The following NLRC4 variants were observed in gnomAD, a reference collection of about 807,000 sequenced individuals.
The protein encoded by NLRC4 is NLR family CARD domain containing 4, also known as NLR family CARD domain-containing protein 4.
A neutral mutation model predicts 79.9 loss-of-function variants in NLRC4; 63 were observed. The observed-to-expected ratio is 0.79, with a 90% CI of 0.64 to 0.97. The LOEUF (loss-of-function observed/expected upper bound fraction) is 0.97. NLRC4 is among the 50% of genes least tolerant of loss of function. NLRC4 has a pLI of 0.00. For synonymous variants in NLRC4, 461 were observed against 456.5 expected, an observed-to-expected ratio of 1.01 and a Z score of -0.12; for missense variants, 1,074 against 1,215.2, an observed-to-expected ratio of 0.88 and a Z score of 1.73.
intron 8 of NLRC4, among the ~76,000 whole-genome samples, chr2:32,233,345 A>AT (rs1241686037): frequency 7.4e-4 from 47 of 63,746 alleles, no homozygotes; most frequent in Non-Finnish European, 1.0e-3. Flanking sequence ...ATATATATAT[A>AT]TATATTTTTT....
At chr2:32,225,738 TCTTA>T (rs1686373645) in intron 8 of NLRC4, among the ~76,000 whole-genome samples, 1 of 152,166 alleles carries the variant, frequency 6.6e-6, no homozygotes, top group South Asian at 2.1e-4. Flanking sequence ...ACATGGGAAC[TCTTA>T]CTTACATGTT....
intron 2 of NLRC4, among the ~76,000 whole-genome samples, chr2:32,256,392 A>G (rs1283340933): frequency 1.3e-5 from 2 of 152,104 alleles, no homozygotes; most frequent in Non-Finnish European, 2.9e-5. Context: ...TACTATTAAT[A>G]TACTAGATAG....
chr2:32,226,608 C>T (rs528781933), intron 8 of NLRC4, among the ~76,000 whole-genome samples: 15 of 152,248 alleles, frequency 9.9e-5, no homozygotes, highest in African/African-American at 3.1e-4. Context: ...AGGCCGGGTG[C>T]GGTGGCTCAT....
intron 2 of NLRC4, among the ~76,000 whole-genome samples, chr2:32,254,563 C>T (rs1042378057): frequency 1.3e-5 from 2 of 150,792 alleles, no homozygotes; most frequent in African/African-American, 2.4e-5. Flanking sequence ...TGGTTTTTAA[C>T]TCTCAGACAC....
chr2:32,239,467 C>G lies in NLRC4; in HGVS notation c.2351-1165G>C, dbSNP rs555997583. On this transcript the variant is annotated intron_variant, in intron 5 of 8. Coordinates refer to ENST00000402280, the MANE Select transcript of NLRC4 (RefSeq NM_001199138.2). ...ACCGGTTAAAGGTTGTGAGCATGAG[C>G]TTTGCAGTCAGTTCCTGGATCCCCT... Among the ~76,000 whole-genome samples the G allele has an allele frequency of 3.9e-5, 6 of 152,232 alleles. No individual in the cohort carries two copies. The East Asian group carries it at 7.7e-4, about 20-fold the overall frequency.
chr2:32,252,754 C>A lies in NLRC4; in HGVS notation c.2-75G>T, dbSNP rs1687110298. On this transcript the variant is annotated intron_variant, in intron 2 of 8. Transcript: ENST00000402280. ...GCATATCCGGCTGGGCACGGTGGCT[C>A]ACGCCTGTAATCCCAGCACTTTGGG... The A allele has an allele frequency of 3.7e-6, 5 of 1,334,928 alleles. No individual in the cohort carries two copies. The South Asian group carries it at 5.3e-5, about 14-fold the overall frequency. The allele number at this position is 1,334,928 out of a possible 1,614,324, so 82.7% of individuals were successfully genotyped here.
intron 1 of NLRC4, among the ~76,000 whole-genome samples, chr2:32,259,793 G>A (rs1475592515): frequency 1.3e-5 from 2 of 152,094 alleles, no homozygotes; most frequent in Non-Finnish European, 2.9e-5. Flanking sequence ...GCCTGTTGAA[G>A]AACTTCACAT....
At chr2:32,236,817 A>G (rs1341844911) in intron 6 of NLRC4, among the ~76,000 whole-genome samples, 1 of 152,100 alleles carries the variant, frequency 6.6e-6, no homozygotes, top group African/African-American at 2.4e-5. Flanking sequence ...TTTTATTGAC[A>G]TAATAGTTGA....
rs199998217 is a variant in NLRC4 at position 32,224,810 on chromosome 2, T to TA, written c.2783-46dup. 2.0e-4 allele frequency: 195 copies of TA among 981,298 alleles called. 1 individual carries two copies. The highest frequency in any genetic ancestry group is 5.5e-4 in the South Asian group (28 of 51,048). 60.8% of individuals were successfully genotyped at this position (981,298 alleles called of 1,614,324 possible). On this transcript the variant is annotated intron_variant, in intron 8 of 8. Coordinates refer to ENST00000402280, the MANE Select transcript of NLRC4 (RefSeq NM_001199138.2). ...TATTAGTTGGAAGAAAAATTTTTTT[T>TA]AAAAAAAAAGAGAAATAGGTTCTAC...
rs201385643 is a variant in NLRC4, at chr2:32,226,353, GC to G, written c.2783-1589del. ...TAGAGTGTGTCCTTAGTCAATGTCAGCCAATGCTTTTATCACCATCATAAGG... is the reference window on the plus strand; with the variant it reads ...TAGAGTGTGTCCTTAGTCAATGTCAGCAATGCTTTTATCACCATCATAAGG... On this transcript the variant is annotated intron_variant, in intron 8 of 8. Transcript: ENST00000402280. Among the ~76,000 whole-genome samples the G allele has an allele frequency of 7.8e-3, 1,184 of 152,288 alleles. 10 individuals carry two copies. The highest frequency in any genetic ancestry group is 0.012 in the Non-Finnish European group (834 of 68,018).
Position 32,261,592 on chromosome 2 carries a change from G to C in NLRC4, c.-119+3146C>G, listed in dbSNP as rs543838299. 2.0e-5 allele frequency among the ~76,000 whole-genome samples: 3 copies of C among 150,638 alleles called. No homozygotes were observed. In the East Asian group the frequency reaches 6.1e-4, roughly 31 times the overall value. On this transcript the variant is annotated intron_variant, in intron 1 of 8. Coordinates refer to ENST00000402280, the MANE Select transcript of NLRC4 (RefSeq NM_001199138.2). Reference sequence around the variant, plus strand: ...CCCAAAGTGCTGGGATTACAGGCGTGAGCCACCATGCCCGGCCTAAAACTC... The same window carrying C: ...CCCAAAGTGCTGGGATTACAGGCGTCAGCCACCATGCCCGGCCTAAAACTC...
intron 1 of NLRC4, among the ~76,000 whole-genome samples, chr2:32,261,316 C>CTTATTTTTTTTTTTTTTTTTTTTT (rs1687342945): frequency 1.0e-5 from 1 of 96,884 alleles, no homozygotes; most frequent in Non-Finnish European, 2.1e-5. Context: ...AGCCTCCCCC[C>CTTATTTTTTTTTTTTTTTTTTTTT]TTTTGTTTTT....
intron 2 of NLRC4, among the ~76,000 whole-genome samples, chr2:32,253,392 C>G (rs950962206): frequency 2.0e-5 from 3 of 151,956 alleles, no homozygotes; most frequent in African/African-American, 7.2e-5. Context: ...TTGTGATCCA[C>G]CTGCCTTGGC....
At chr2:32,243,243 T>C (rs1372240417) in intron 4 of NLRC4, among the ~76,000 whole-genome samples, 2 of 150,432 alleles carry the variant, frequency 1.3e-5, no homozygotes, top group Non-Finnish European at 3.0e-5. Context: ...ACTCCGTCTC[T>C]ACTAAAAATA....
chr2:32,239,795 C>G (rs1278097247), intron 5 of NLRC4, among the ~76,000 whole-genome samples: 1 of 152,096 alleles, frequency 6.6e-6, no homozygotes, highest in Non-Finnish European at 1.5e-5. Flanking sequence ...AGTCAATAAG[C>G]TATTTTAGGT....
At chr2:32,259,287 T>TTTTTTTTTTTTTTTTTTTTTC (rs1283926253) in intron 1 of NLRC4, among the ~76,000 whole-genome samples, 3 of 135,500 alleles carry the variant, frequency 2.2e-5, no homozygotes, top group African/African-American at 8.6e-5. Context: ...TTTTTTTTTT[T>TTTTTTTTTTTTTTTTTTTTTC]TTTAGAGACA....
At chr2:32,249,251 A>C (rs1209440591) in intron 4 of NLRC4, among the ~76,000 whole-genome samples, 1 of 152,212 alleles carries the variant, frequency 6.6e-6, no homozygotes, top group Non-Finnish European at 1.5e-5. Flanking sequence ...AGGTTGGATA[A>C]GCTTGATTTA....
chr2:32,237,617 A>G (rs111567431), intron 6 of NLRC4, among the ~76,000 whole-genome samples: 233 of 152,346 alleles, frequency 1.5e-3, no homozygotes, highest in African/African-American at 5.3e-3. Context: ...TGAATTACAC[A>G]TGTATAGTTT....
intron 1 of NLRC4, among the ~76,000 whole-genome samples, chr2:32,262,913 T>C (rs752231132): frequency 2.6e-5 from 4 of 151,382 alleles, no homozygotes; most frequent in Non-Finnish European, 4.4e-5. Context: ...CATTTGTACA[T>C]TGGAAAATAA....
Sources: gnomAD v4.1 joint callset for allele counts (sites outside exome capture counted in the v4.1 genomes callset) on GRCh38, gnomAD v4.1.1 for gene constraint, MANE v1.5 for transcripts, NCBI Gene and HGNC (gene_info 2026-07-23, HGNC 2026-07-21) for gene names.